ITGB3: variants seen among roughly 807,000 people sequenced by gnomAD.
ITGB3 encodes the protein integrin beta-3.
In ITGB3, 48 loss-of-function variants were observed where a neutral mutation model predicts 85.8. The ratio of observed to expected loss-of-function variants is 0.56; its 90% confidence interval spans 0.44 to 0.71. The LOEUF is 0.71. ITGB3 is among the 30% of genes least tolerant of loss of function. The pLI is 0.00. For missense variants in ITGB3, 861 were observed against 1,019.1 expected (o/e 0.84, Z 2.11); for synonymous variants, 363 against 395.6 (o/e 0.92, Z 0.98).
At chr17:47,267,033 GA>G (rs112285886) in intron 1 of ITGB3, among the ~76,000 whole-genome samples, 24 of 151,608 alleles carry the variant, frequency 1.6e-4, no homozygotes, top group African/African-American at 4.8e-4. Context: ...TGTCATCAAG[GA>G]AAAAAAAGTA....
chr17:47,310,357 T>C lies in ITGB3; in HGVS notation c.*153T>C. The C allele has an allele frequency of 1.4e-6, 1 of 710,294 alleles. No homozygotes were observed. Among genetic ancestry groups the C allele is most frequent in the Non-Finnish European group, 2.5e-6 (1 of 394,404 alleles). The allele number at this position is 710,294 out of a possible 1,614,324, so 44.0% of individuals were successfully genotyped here. On this transcript the variant is annotated 3_prime_UTR_variant, in exon 15 of 15. Coordinates refer to ENST00000559488, the MANE Select transcript of ITGB3 (RefSeq NM_000212.3). ...ATGTCAGTATGTGGAAGTGTGGGTC[T>C]GTGTGTGTGTATGTGGGGGTCTGTG...
At chr17:47,273,693 A>G (rs1174617844) in intron 1 of ITGB3, among the ~76,000 whole-genome samples, 5 of 152,354 alleles carry the variant, frequency 3.3e-5, no homozygotes, top group African/African-American at 1.2e-4. Context: ...CATAGAGGCT[A>G]GTTGAGTTGC....
In ITGB3 at chr17:47,310,455, T is replaced by C; in HGVS notation, c.*251T>C. 2 of 572,028 alleles carry C rather than the reference T, an allele frequency of 3.5e-6. No individual in the cohort carries two copies. Among genetic ancestry groups the C allele is most frequent in the East Asian group, 3.2e-5 (1 of 31,490 alleles). 35.4% of individuals were successfully genotyped at this position (572,028 alleles called of 1,614,324 possible). A position where few individuals can be genotyped will look rare whatever the true frequency, so the allele number is the denominator to read the frequency against. ...GATGTGTCCTGATAAGCTGAGCTCC[T>C]TAGCCTTTGTCCCAGAATGCCTCCT... On this transcript the variant is annotated 3_prime_UTR_variant, in exon 15 of 15. Coordinates refer to ENST00000559488, the MANE Select transcript of ITGB3 (RefSeq NM_000212.3).
At chr17:47,257,234 C>T (rs527795096) in intron 1 of ITGB3, among the ~76,000 whole-genome samples, 16 of 152,330 alleles carry the variant, frequency 1.1e-4, no homozygotes, top group South Asian at 1.0e-3. Flanking sequence ...CAGAATGAAA[C>T]TGATGGGGTC....
chr17:47,260,858 G>A (rs1454497473), intron 1 of ITGB3, among the ~76,000 whole-genome samples: 1 of 151,460 alleles, frequency 6.6e-6, no homozygotes, highest in African/African-American at 2.4e-5. Context: ...TAAAAATTAT[G>A]TATATTTATG....
intron 1 of ITGB3, among the ~76,000 whole-genome samples, chr17:47,269,936 A>T (rs530715191): frequency 1.3e-5 from 2 of 152,344 alleles, no homozygotes; most frequent in South Asian, 4.1e-4. Context: ...CATGGCTGAG[A>T]AGGCCTCAGG....
chr17:47,298,393 T>A (rs547385283), intron 10 of ITGB3, among the ~76,000 whole-genome samples: 81 of 152,290 alleles, frequency 5.3e-4, no homozygotes, highest in Middle Eastern at 3.4e-3. Context: ...TAGGGGATAT[T>A]TGTTCTCTCT....
chr17:47,286,437 C>T lies in ITGB3; in HGVS notation c.777+15C>T. On this transcript the variant is annotated intron_variant, in intron 5 of 14. Transcript: ENST00000559488. ...CAGTCTGTGATGTGAGTTTGGAGGA[C>T]TTGGAGTGCCAGGTGTGGCTGGCAT... 1 of 1,613,872 alleles carries T rather than the reference C, an allele frequency of 6.2e-7. No individual in the cohort carries two copies. Among genetic ancestry groups the T allele is most frequent in the Non-Finnish European group, 8.5e-7 (1 of 1,179,856 alleles).
chr17:47,286,906 C>T (rs1021047265), intron 5 of ITGB3, among the ~76,000 whole-genome samples, 164 bp from the exon 6 acceptor site: 5 of 152,208 alleles, frequency 3.3e-5, no homozygotes, highest in African/African-American at 9.6e-5. Flanking sequence ...AACTGGAAAG[C>T]TTCAGCTTCG....
In ITGB3 at chr17:47,274,459, G is replaced by C. The variant is rs758852422; in HGVS notation, c.120G>C (p.Gln40His). ...CCACGCGAGGTGTGAGCTCCTGCCA[G>C]CAGTGCCTGGCTGTGAGCCCCATGT... is the stretch of plus-strand genomic sequence containing the variant. ...ICTTRGVSSC[Q>H]QCLAVSPMCA... Residue 40 changes from glutamine to histidine, a missense_variant, in exon 2 of 15, where the codon CAG becomes CAC. By Grantham distance (24) the Gln-to-His change is conservative. Transcript: ENST00000559488. 8.1e-6 allele frequency: 13 copies of C among 1,613,646 alleles called. No individual in the cohort carries two copies. In the South Asian group the frequency reaches 1.2e-4, roughly 15 times the overall value.
At chr17:47,266,830 C>T (rs1473417026) in intron 1 of ITGB3, among the ~76,000 whole-genome samples, 1 of 152,130 alleles carries the variant, frequency 6.6e-6, no homozygotes, top group Non-Finnish European at 1.5e-5. Flanking sequence ...AATCCTCCTG[C>T]CTTGGCCTCC....
intron 10 of ITGB3, among the ~76,000 whole-genome samples, chr17:47,295,929 A>G (rs945095880): frequency 6.6e-6 from 1 of 152,166 alleles, no homozygotes; most frequent in African/African-American, 2.4e-5. Flanking sequence ...CTGATGGAGA[A>G]GGGGTTACTC....
intron 14 of ITGB3, among the ~76,000 whole-genome samples, chr17:47,308,965 TCTC>T (rs146937160): frequency 0.05 from 2,149 of 42,722 alleles, 81 homozygotes; most frequent in East Asian, 0.33. Flanking sequence ...TCCCCTCCCC[TCTC>T]CTCCCCTCCC....
At position 47,299,538 on chromosome 17, in the gene ITGB3, T is replaced by A. The variant is rs781555452; in HGVS notation, c.1913+8T>A. 1 of 1,612,842 alleles carries A rather than the reference T, an allele frequency of 6.2e-7. No individual in the cohort carries two copies. The highest frequency in any genetic ancestry group is 1.1e-5 in the South Asian group (1 of 91,048). On this transcript the variant is annotated splice_region_variant and intron_variant, in intron 11 of 14. Transcript: ENST00000559488. This position sits in a 1 kb window ranked among gnomAD's most constrained non-coding sequence, Gnocchi z 5.1. ...TGCCTGCACCTTTAAGAAGTGAGTG[T>A]GGAGTCTGGAGAGAGCCGGGAGGCT...
At chr17:47,260,553 T>C (rs374121201) in intron 1 of ITGB3, among the ~76,000 whole-genome samples, 3 of 152,220 alleles carry the variant, frequency 2.0e-5, no homozygotes, top group African/African-American at 7.2e-5. Context: ...AATGGAAATT[T>C]TGGATAGAGA....
intron 1 of ITGB3, among the ~76,000 whole-genome samples, chr17:47,270,482 C>G (rs929223063): frequency 6.6e-6 from 1 of 152,194 alleles, no homozygotes; most frequent in African/African-American, 2.4e-5. Flanking sequence ...CCAGGCAGCT[C>G]ATGCAGGGAG....
intron 6 of ITGB3, among the ~76,000 whole-genome samples, chr17:47,288,895 A>G (rs75211989): frequency 0.1 from 15,869 of 152,272 alleles, 1,220 homozygotes; most frequent in Non-Finnish European, 0.15. Context: ...CAATGTGGCT[A>G]TACGTATCCA....
chr17:47,279,273 G>A (rs2065074954), intron 2 of ITGB3, among the ~76,000 whole-genome samples: 1 of 152,110 alleles, frequency 6.6e-6, no homozygotes, highest in South Asian at 2.1e-4. Context: ...GTAACATCCG[G>A]TTTCCCTGGG....
chr17:47,263,686 C>T (rs1013818096), intron 1 of ITGB3, among the ~76,000 whole-genome samples: 1 of 152,138 alleles, frequency 6.6e-6, no homozygotes, highest in Non-Finnish European at 1.5e-5. Flanking sequence ...GACTGGATTT[C>T]GCCATGTTGG....
Sources: gnomAD v4.1 joint callset for allele counts (sites outside exome capture counted in the v4.1 genomes callset) on GRCh38, gnomAD v4.1.1 for gene constraint, Gnocchi (gnomAD v3.1) non-coding constraint, MANE v1.5 for transcripts, NCBI Gene and HGNC (gene_info 2026-07-23, HGNC 2026-07-21) for gene names.